Variants in UBE2D3 observed in about 807,000 individuals in gnomAD.
UBE2D3 encodes ubiquitin conjugating enzyme E2 D3.
UBE2D3 carries 2 observed loss-of-function variants against 22.8 expected under a neutral mutation model. The observed-to-expected ratio is 0.09, with a 90% CI of 0.04 to 0.28. The LOEUF (loss-of-function observed/expected upper bound fraction) is 0.28. Ranked by LOEUF, UBE2D3 falls within the 10% of genes least tolerant of loss-of-function variation. The probability of loss-of-function intolerance (pLI) is 1.00; values close to 1 mark genes in which losing one functional copy is unlikely to be tolerated. For synonymous variants in UBE2D3, 56 were observed against 60.4 expected, an observed-to-expected ratio of 0.93 and a Z score of 0.34; for missense variants, 27 against 182.5, an observed-to-expected ratio of 0.15 and a Z score of 4.91.
intron 1 of UBE2D3, among the ~76,000 whole-genome samples, chr4:102,849,732 C>G (rs1187618315): frequency 6.6e-6 from 1 of 152,156 alleles, no homozygotes; most frequent in Non-Finnish European, 1.5e-5. Context: ...TGAGATACCA[C>G]TACATTCGCA....
chr4:102,811,034 G>A (rs1301596166), intron 2 of UBE2D3: 1 of 152,166 alleles, frequency 6.6e-6, no homozygotes, highest in African/African-American at 2.4e-5. Flanking sequence ...ACACAGAAGG[G>A]TAAGGTTTGG....
At chr4:102,845,155 G>T (rs1460805656) in intron 1 of UBE2D3, among the ~76,000 whole-genome samples, 2 of 152,116 alleles carry the variant, frequency 1.3e-5, no homozygotes, top group Non-Finnish European at 2.9e-5. Flanking sequence ...GGTAGAGGTT[G>T]CAGTGAGCTG....
At chr4:102,831,227 C>A (rs138494167), upstream of UBE2D3, among the ~76,000 whole-genome samples, 230 of 152,174 alleles carry the variant, frequency 1.5e-3, 3 homozygotes, top group East Asian at 0.025. Context: ...TAATTTGGAG[C>A]CCAGGTCAAC....
intron 1 of UBE2D3, among the ~76,000 whole-genome samples, chr4:102,836,321 T>C (rs1284881692): frequency 6.6e-6 from 1 of 151,672 alleles, no homozygotes; most frequent in African/African-American, 2.4e-5. Context: ...AATTTTTTTA[T>C]TTTTTAGTAG....
chr4:102,795,624 G>A lies in UBE2D3; in HGVS notation c.*1791C>T, dbSNP rs1175275829. The A allele has an allele frequency of 6.6e-6, 1 of 152,008 alleles. No individual in the cohort carries two copies. The highest frequency in any genetic ancestry group is 2.4e-5 in the African/African-American group (1 of 41,418). 9.4% of individuals were successfully genotyped at this position (152,008 alleles called of 1,614,324 possible). ...AACAAAGCCAGAACATCTTCAGAAG[G>A]CATGCATTTCACTTCCAGTTTAGAG... On this transcript the variant is annotated 3_prime_UTR_variant, in exon 8 of 8. Coordinates refer to ENST00000453744, the MANE Select transcript of UBE2D3 (RefSeq NM_181891.3).
At chr4:102,809,309 G>T in intron 4 of UBE2D3, 1 of 248,746 alleles carries the variant, frequency 4.0e-6, no homozygotes, top group South Asian at 4.2e-5. Flanking sequence ...AACAGAATAA[G>T]ATCTCTGAGT....
At chr4:102,801,716 C>T in intron 5 of UBE2D3, 157 bp from the exon 6 acceptor site, 1 of 567,018 alleles carries the variant, frequency 1.8e-6, no homozygotes, top group East Asian at 3.2e-5. Context: ...ACCACAACCC[C>T]CTGCCTCCTC....
intron 4 of UBE2D3, among the ~76,000 whole-genome samples, chr4:102,805,922 C>G (rs562956849): frequency 1.3e-5 from 2 of 152,172 alleles, no homozygotes; most frequent in Non-Finnish European, 2.9e-5. Flanking sequence ...TTCTTCCTCT[C>G]TTATCTCAGA....
intron 6 of UBE2D3, 76 bp downstream of exon 6, chr4:102,801,378 A>G (rs1726131808): frequency 7.8e-7 from 1 of 1,279,524 alleles, no homozygotes; most frequent in Admixed American, 2.3e-5. Flanking sequence ...CCATAATAAA[A>G]ATACTCAGAT....
At chr4:102,826,794 A>G in intron 1 of UBE2D3, 158 bp from the exon 2 acceptor site, 1 of 1,244,236 alleles carries the variant, frequency 8.0e-7, no homozygotes. Context: ...AGTGGGGGCG[A>G]GGGTGACGGG....
At position 102,795,866 on chromosome 4, in the gene UBE2D3, A is replaced by G. The variant is rs1246959459; in HGVS notation, c.*1549T>C. ...GTGAACAAAATCAAAATAAACAGGA[A>G]AAATGTAAAACTATGGGATCAGAAT... is the stretch of plus-strand genomic sequence containing the variant. On this transcript the variant is annotated 3_prime_UTR_variant, in exon 8 of 8. Coordinates refer to ENST00000453744, the MANE Select transcript of UBE2D3 (RefSeq NM_181891.3). 1 of 152,422 alleles carries G rather than the reference A, an allele frequency of 6.6e-6. No homozygotes were observed. Among genetic ancestry groups the G allele is most frequent in the Admixed American group, 6.6e-5 (1 of 15,252 alleles). 9.4% of individuals were successfully genotyped at this position (152,422 alleles called of 1,614,324 possible).
intron 2 of UBE2D3, chr4:102,810,675 C>T (rs1338610917): frequency 1.3e-5 from 2 of 152,142 alleles, no homozygotes; most frequent in African/African-American, 4.8e-5. Flanking sequence ...TTGCTCTTAA[C>T]ATATAGTCTG....
intron 6 of UBE2D3, 130 bp from the exon 7 acceptor site, chr4:102,799,630 A>T (rs1725808920): frequency 1.6e-6 from 1 of 610,922 alleles, no homozygotes; most frequent in Admixed American, 3.1e-5. Flanking sequence ...TCAATGAGAC[A>T]CAGTTTTACA....
intron 1 of UBE2D3, among the ~76,000 whole-genome samples, chr4:102,842,705 A>G (rs894581597): frequency 3.3e-5 from 5 of 152,232 alleles, no homozygotes; most frequent in African/African-American, 4.8e-5. Context: ...ATTTTCCACT[A>G]TCACAACAAA....
chr4:102,833,051 T>C (rs1021487560), intron 1 of UBE2D3, among the ~76,000 whole-genome samples: 3 of 149,160 alleles, frequency 2.0e-5, no homozygotes, highest in African/African-American at 7.4e-5. Context: ...TCTAATAAAA[T>C]AACTTGAAAC....
chr4:102,837,322 A>G (rs946826015), intron 1 of UBE2D3, among the ~76,000 whole-genome samples: 41 of 152,320 alleles, frequency 2.7e-4, no homozygotes, highest in African/African-American at 9.4e-4. Context: ...AATCTGTTAA[A>G]TAAAGCTCAA....
chr4:102,814,049 T>C (rs1414661170), intron 2 of UBE2D3, among the ~76,000 whole-genome samples: 2 of 152,202 alleles, frequency 1.3e-5, no homozygotes, highest in East Asian at 1.9e-4. Flanking sequence ...CTTTATATGC[T>C]TGTCTGTATA....
At chr4:102,798,050 G>A (rs1011778004) in intron 7 of UBE2D3, among the ~76,000 whole-genome samples, 3 of 151,590 alleles carry the variant, frequency 2.0e-5, no homozygotes, top group African/African-American at 4.8e-5. Context: ...TCAGAATCAC[G>A]TGTTACTTTT....
At chr4:102,828,057 C>A (rs1439136043), upstream of UBE2D3, 1 of 985,306 alleles carries the variant, frequency 1.0e-6, no homozygotes, top group African/African-American at 1.7e-5. Context: ...GTTCCGCCTC[C>A]AAAATGCATA....
Sources: gnomAD v4.1 joint callset for allele counts (sites outside exome capture counted in the v4.1 genomes callset) on GRCh38, gnomAD v4.1.1 for gene constraint, MANE v1.5 for transcripts, NCBI Gene and HGNC (gene_info 2026-07-23, HGNC 2026-07-21) for gene names.